MYO5C: variants seen among roughly 807,000 people sequenced by gnomAD.
MYO5C encodes unconventional myosin-Vc.
A neutral mutation model predicts 235.7 loss-of-function variants in MYO5C; 194 were observed. The observed-to-expected ratio is 0.82, with a 90% CI of 0.73 to 0.93. MYO5C has a LOEUF of 0.93. Among genes scored for constraint, MYO5C ranks in the 40% least tolerant of loss-of-function variants. The pLI is 0.00. For missense variants in MYO5C, 2,038 were observed against 2,127.2 expected (o/e 0.96, Z 0.82); for synonymous variants, 707 against 754.8 (o/e 0.94, Z 1.04).
chr15:52,272,946 G>A (rs2036958247), intron 5 of MYO5C, among the ~76,000 whole-genome samples: 1 of 152,164 alleles, frequency 6.6e-6, no homozygotes, highest in Non-Finnish European at 1.5e-5. Flanking sequence ...GGCAGATACT[G>A]GGGAGGACCA....
rs745535206 is a variant in MYO5C at position 52,244,446 on chromosome 15, A to G, written c.2300T>C (p.Met767Thr). ...TTTTTTCCTCTGGAGCCAGCCACGC[A>G]TGTGCTTTTGTACCATAACACAACT... is the stretch of plus-strand genomic sequence containing the variant. ...RQSCVMVQKH[M>T]RGWLQRKKFL... The change falls in exon 19 of 41, where the codon ATG becomes ACG. Residue 767 changes from methionine (M) to threonine (T), a missense_variant. Met to Thr is a moderately conservative substitution (Grantham distance 81, BLOSUM62 -1). Coordinates refer to ENST00000261839, the MANE Select transcript of MYO5C (RefSeq NM_018728.4). The G allele has an allele frequency of 1.9e-5, 31 of 1,614,070 alleles. No individual in the cohort carries two copies. In the South Asian group the frequency reaches 2.2e-4, roughly 11 times the overall value.
intron 28 of MYO5C, 48 bp from the exon 29 acceptor site, chr15:52,223,772 T>A: frequency 6.5e-7 from 1 of 1,549,504 alleles, no homozygotes; most frequent in Non-Finnish European, 8.8e-7. Flanking sequence ...TTTGTTCTGT[T>A]TTATGGACTG....
In MYO5C at chr15:52,201,514, A is replaced by G. The variant is rs2035186609; in HGVS notation, c.4820+3351T>C. On this transcript the variant is annotated intron_variant, in intron 38 of 40. Transcript: ENST00000261839. ...TTTATTGCCAACAAAACTGCTCTAA[A>G]AGGAATACTAAAATACTTTCTTCAG... 2.6e-5 allele frequency among the ~76,000 whole-genome samples: 4 copies of G among 152,244 alleles called. No homozygotes were observed. In the South Asian group the frequency reaches 8.3e-4, roughly 31 times the overall value.
intron 25 of MYO5C, among the ~76,000 whole-genome samples, chr15:52,226,886 G>A (rs759159673): frequency 3.1e-4 from 47 of 152,220 alleles, no homozygotes; most frequent in Non-Finnish European, 4.6e-4. Flanking sequence ...GGTGGCTCAC[G>A]CCTGTAATCT....
At chr15:52,265,364 A>G (rs1334998097) in intron 8 of MYO5C, 1 of 152,080 alleles carries the variant, frequency 6.6e-6, no homozygotes, top group Non-Finnish European at 1.5e-5. Flanking sequence ...GTGGTGACTT[A>G]AGCAGCTGAG....
chr15:52,279,385 C>T, intron 3 of MYO5C, 124 bp downstream of exon 3: 3 of 980,250 alleles, frequency 3.1e-6, no homozygotes, highest in Non-Finnish European at 4.4e-6. Flanking sequence ...ATTCTCCCCA[C>T]CCAGACACTT....
At chr15:52,232,106 AAAG>A (rs1295837328) in intron 24 of MYO5C, among the ~76,000 whole-genome samples, 2 of 151,584 alleles carry the variant, frequency 1.3e-5, no homozygotes, top group Admixed American at 1.3e-4. Flanking sequence ...AGTAAAAAAA[AAAG>A]AAAAGAAAGA....
At chr15:52,284,959 C>T (rs2037230673) in intron 1 of MYO5C, among the ~76,000 whole-genome samples, 1 of 151,836 alleles carries the variant, frequency 6.6e-6, no homozygotes, top group Admixed American at 6.5e-5. Context: ...CCTATGTCAG[C>T]CTCCCAAAGT....
At chr15:52,256,582 C>CAG in intron 11 of MYO5C, 57 bp downstream of exon 11, 5 of 1,003,780 alleles carry the variant, frequency 5.0e-6, no homozygotes, top group Admixed American at 4.9e-5. Context: ...CACACACACA[C>CAG]ACACACGCGC....
chr15:52,231,240 T>A lies in MYO5C; in HGVS notation c.3026+1382A>T, dbSNP rs79578261. Among the ~76,000 whole-genome samples the A allele has an allele frequency of 7.9e-3, 1,207 of 152,292 alleles. 17 individuals are homozygous for A. The highest frequency in any genetic ancestry group is 0.028 in the African/African-American group (1,167 of 41,556). The stretch of plus-strand genomic sequence containing the variant: ...TGAGAATTTTGACAGGGGCCAGGAA[T>A]TCCCCCCTTGGCTGACCAGGGACTA... On this transcript the variant is annotated intron_variant, in intron 24 of 40. Transcript: ENST00000261839.
intron 33 of MYO5C, among the ~76,000 whole-genome samples, chr15:52,213,871 C>G (rs139018513): frequency 1.3e-5 from 2 of 152,210 alleles, no homozygotes; most frequent in South Asian, 4.1e-4. Context: ...GCCCTGCTCT[C>G]ATGGGGCAGA....
Position 52,242,144 on chromosome 15 carries a change from C to CCCG in MYO5C, c.2457_2459dup (p.Gly820dup). On this transcript the variant is annotated inframe_insertion, in exon 20 of 41. Transcript: ENST00000261839. ...ACTGATACAGGCTGCGAACAAGATACCCGCGGCAGTGCTTCTGAATGATTA... is the reference window on the plus strand; with the variant it reads ...ACTGATACAGGCTGCGAACAAGATACCCGCCGCGGCAGTGCTTCTGAATGATTA... The CCCG allele has an allele frequency of 6.2e-7, 1 of 1,614,156 alleles. No individual in the cohort carries two copies. The highest frequency in any genetic ancestry group is 8.5e-7 in the Non-Finnish European group (1 of 1,180,008).
chr15:52,285,795 C>T (rs1252799471), intron 1 of MYO5C, among the ~76,000 whole-genome samples: 1 of 152,124 alleles, frequency 6.6e-6, no homozygotes, highest in Non-Finnish European at 1.5e-5. Flanking sequence ...GGCTGGAGTG[C>T]AGTGGCGTGA....
intron 38 of MYO5C, among the ~76,000 whole-genome samples, chr15:52,202,307 G>A (rs986134066): frequency 1.3e-5 from 2 of 152,182 alleles, no homozygotes; most frequent in African/African-American, 4.8e-5. Context: ...AACCCGGGAG[G>A]CGAAGGTTGC....
chr15:52,229,424 A>G, intron 24 of MYO5C, 111 bp from the exon 25 acceptor site: 1 of 986,516 alleles, frequency 1.0e-6, no homozygotes, highest in African/African-American at 1.6e-5. Flanking sequence ...CAGGAGTTCA[A>G]GACTAGCCTG....
intron 38 of MYO5C, among the ~76,000 whole-genome samples, chr15:52,201,552 T>C (rs899151400): frequency 4.6e-5 from 7 of 152,182 alleles, no homozygotes; most frequent in African/African-American, 1.7e-4. Flanking sequence ...AGAAGGAAAA[T>C]TATATCAAAA....
chr15:52,246,999 A>T lies in MYO5C; in HGVS notation c.1897T>A (p.Tyr633Asn). 1 of 1,613,658 alleles carries T rather than the reference A, an allele frequency of 6.2e-7. No individual in the cohort carries two copies. Among genetic ancestry groups the T allele is most frequent in the Non-Finnish European group, 8.5e-7 (1 of 1,179,794 alleles). Residue 633 changes from tyrosine to asparagine, a missense_variant, in exon 16 of 41, where the codon TAC (tyrosine) becomes AAC (asparagine). Tyr to Asn is a moderately radical substitution (Grantham distance 143, BLOSUM62 -2). Coordinates refer to ENST00000261839, the MANE Select transcript of MYO5C (RefSeq NM_018728.4). ...GCATTGAGGGTCTCCATGAGCAAGT[A>T]CAGAGAGCTGCGGAACTAGGAAACA... The part of the protein sequence containing the change: ...TVGSKFRSSL[Y>N]LLMETLNATT...
intron 19 of MYO5C, 133 bp downstream of exon 19, chr15:52,244,222 CA>C: frequency 1.3e-6 from 1 of 789,710 alleles, no homozygotes; most frequent in Non-Finnish European, 2.0e-6. Flanking sequence ...CTCACGACCA[CA>C]AAGGGGACCC....
At chr15:52,206,760 T>G (rs1370590836) in intron 36 of MYO5C, among the ~76,000 whole-genome samples, 1 of 152,222 alleles carries the variant, frequency 6.6e-6, no homozygotes, top group Non-Finnish European at 1.5e-5. Context: ...CTGCGGTATT[T>G]TGTTATAGTA....
Sources: allele counts gnomAD v4.1 joint callset (sites outside exome capture counted in the v4.1 genomes callset), GRCh38; gene constraint gnomAD v4.1.1; transcripts MANE v1.5; gene names NCBI Gene and HGNC (gene_info 2026-07-23, HGNC 2026-07-21).